Variants in USP18 observed in about 807,000 individuals in gnomAD.
USP18 encodes the protein ubiquitin specific peptidase 18, also known as ubl carboxyl-terminal hydrolase 18.
In USP18, 11 loss-of-function variants were observed where a neutral mutation model predicts 48.7. That is an observed-to-expected ratio of 0.23 (90% CI 0.14 to 0.37). USP18 has a LOEUF of 0.37. Ranked by LOEUF, USP18 falls within the 10% of genes least tolerant of loss-of-function variation. USP18 has a pLI of 1.00. For synonymous variants in USP18, 114 were observed against 163.2 expected, an observed-to-expected ratio of 0.70 and a Z score of 2.30; for missense variants, 285 against 436.4, an observed-to-expected ratio of 0.65 and a Z score of 3.09.
At chr22:18,158,618 T>C (rs1046938207) in intron 2 of USP18, among the ~76,000 whole-genome samples, 1 of 152,168 alleles carries the variant, frequency 6.6e-6, no homozygotes, top group African/African-American at 2.4e-5. Flanking sequence ...TAAGGTTGGG[T>C]TGGAAAAGAG....
chr22:18,152,891 C>T lies in USP18; in HGVS notation c.-107+2669C>T, dbSNP rs1397371271. Among the ~76,000 whole-genome samples, 4 of 152,184 alleles carry T rather than the reference C, an allele frequency of 2.6e-5. No individual in the cohort carries two copies. The East Asian group carries it at 5.8e-4, about 22-fold the overall frequency. On this transcript the variant is annotated intron_variant, in intron 1 of 10. Coordinates refer to ENST00000215794, the MANE Select transcript of USP18 (RefSeq NM_017414.4). Reference sequence around the variant, plus strand: ...TACTGAAGTATCTGGGAGGTCTTGGCGGAGAAGAGGACAACATCTTGGAAA... The same window carrying T: ...TACTGAAGTATCTGGGAGGTCTTGGTGGAGAAGAGGACAACATCTTGGAAA...
At position 18,173,160 on chromosome 22, in the gene USP18, A is replaced by C. The variant is rs756181244; in HGVS notation, c.902A>C (p.Gln301Pro). Residue 301 changes from glutamine to proline, a missense_variant, in exon 9 of 11, where the codon CAG (glutamine) becomes CCG (proline). Physicochemically the swap from Gln to Pro is moderately conservative, Grantham distance 76. Transcript: ENST00000215794. ...CCTGTCTCTTTCCAGTCTGGAGGGC[A>C]GTATGAGCTTTTTGCTGTGATTGCG... Reference protein sequence around the residue: ...SCDAEEQSGGQYELFAVIAHV... With the variant: ...SCDAEEQSGGPYELFAVIAHV... 2.5e-6 allele frequency: 4 copies of C among 1,591,372 alleles called. No individual in the cohort carries two copies. In the South Asian group the frequency reaches 4.7e-5, roughly 19 times the overall value.
intron 1 of USP18, among the ~76,000 whole-genome samples, chr22:18,156,390 C>G (rs1316181229): frequency 6.6e-6 from 1 of 152,202 alleles, no homozygotes; most frequent in Non-Finnish European, 1.5e-5. Flanking sequence ...GCTGTGGAAG[C>G]TTTGTTGTTT....
At chr22:18,174,794 G>A (rs1335143543) in intron 10 of USP18, among the ~76,000 whole-genome samples, 2 of 152,106 alleles carry the variant, frequency 1.3e-5, no homozygotes, top group Non-Finnish European at 2.9e-5. Context: ...ATGAGGTCTC[G>A]CTATGTTGCC....
intron 6 of USP18, 108 bp downstream of exon 6, chr22:18,168,144 G>C: frequency 1.3e-6 from 2 of 1,514,728 alleles, no homozygotes; most frequent in Non-Finnish European, 1.8e-6. Flanking sequence ...AGTTCTGGAG[G>C]CTGGGAAGTC....
chr22:18,169,706 A>G (rs1017095113), intron 6 of USP18, 138 bp from the exon 7 acceptor site: 1 of 1,053,888 alleles, frequency 9.5e-7, no homozygotes, highest in Non-Finnish European at 1.4e-6. Context: ...CTGCAGAACC[A>G]TGGGCCAATC....
chr22:18,163,679 G>A (rs1010216342), intron 4 of USP18, among the ~76,000 whole-genome samples: 2 of 151,852 alleles, frequency 1.3e-5, no homozygotes, highest in Admixed American at 6.6e-5. Flanking sequence ...AAGAAAAAAA[G>A]AAAAATACCT....
chr22:18,172,991 G>A (rs117848191), intron 8 of USP18, among the ~76,000 whole-genome samples, 159 bp from the exon 9 acceptor site: 12,951 of 137,962 alleles, frequency 0.094, 378 homozygotes, highest in African/African-American at 0.11. Context: ...ATCCACACTC[G>A]GGAAAGCCCC....
intron 1 of USP18, among the ~76,000 whole-genome samples, chr22:18,157,101 A>T (rs1929178437): frequency 6.6e-6 from 1 of 152,262 alleles, no homozygotes; most frequent in Non-Finnish European, 1.5e-5. Context: ...GCTAAGGTTT[A>T]TCTGACTGCT....
chr22:18,161,144 TA>T (rs1216091388), intron 3 of USP18, among the ~76,000 whole-genome samples: 1 of 151,754 alleles, frequency 6.6e-6, no homozygotes, highest in East Asian at 1.9e-4. Context: ...CTGACTTGGT[TA>T]AAAGACAGAG....
chr22:18,164,875 C>G (rs1055842878), intron 4 of USP18, among the ~76,000 whole-genome samples: 1 of 152,072 alleles, frequency 6.6e-6, no homozygotes, highest in Admixed American at 6.5e-5. Flanking sequence ...AAACCCTCCC[C>G]TCTCCAGGAG....
rs34386839 is a variant in USP18, at chr22:18,159,672, A to ATTT, written c.158-481_158-479dup. 9.6e-4 allele frequency among the ~76,000 whole-genome samples: 74 copies of ATTT among 76,918 alleles called. 1 individual carries two copies. Among genetic ancestry groups the ATTT allele is most frequent in the African/African-American group, 3.7e-3 (66 of 18,060 alleles). 50.5% of individuals were successfully genotyped at this position (76,918 alleles called of 152,430 possible). A position where few individuals can be genotyped will look rare whatever the true frequency, so the allele number is the denominator to read the frequency against. On this transcript the variant is annotated intron_variant, in intron 2 of 10. Transcript: ENST00000215794. ...GTCATGACACCTGGCTGATTTTTGG[A>ATTT]TTTTTTTTTTTTTTTTTTTTTGAGA...
At position 18,157,609 on chromosome 22, in the gene USP18, C is replaced by G; in HGVS notation, c.-55C>G. The G allele has an allele frequency of 6.2e-7, 1 of 1,606,230 alleles. No individual in the cohort carries two copies. Among genetic ancestry groups the G allele is most frequent in the South Asian group, 1.1e-5 (1 of 90,414 alleles). The stretch of plus-strand genomic sequence containing the variant: ...AGCGCTTCCTGGAAGTGAAGTCGTG[C>G]TGTCCTGAACGCGGGCCAGGCAGCT... On this transcript the variant is annotated 5_prime_UTR_variant, in exon 2 of 11. Coordinates refer to ENST00000215794, the MANE Select transcript of USP18 (RefSeq NM_017414.4).
chr22:18,160,974 T>G (rs554602993), intron 3 of USP18, among the ~76,000 whole-genome samples: 2 of 152,190 alleles, frequency 1.3e-5, no homozygotes, highest in African/African-American at 4.8e-5. Flanking sequence ...TTCACCATGT[T>G]GGCCAGGCTG....
At position 18,161,980 on chromosome 22, in the gene USP18, G is replaced by A. The variant is rs766819638; in HGVS notation, c.400+45G>A. ...GGCTCCTGGCTGCTGATCCAAAGGGGATGGGAAGCTTAGAGAGTGAAGAGA... is the reference window on the plus strand; with the variant it reads ...GGCTCCTGGCTGCTGATCCAAAGGGAATGGGAAGCTTAGAGAGTGAAGAGA... On this transcript the variant is annotated intron_variant, in intron 4 of 10. Transcript: ENST00000215794. 3 of 1,572,276 alleles carry A rather than the reference G, an allele frequency of 1.9e-6. No individual in the cohort carries two copies. In the East Asian group the frequency reaches 6.8e-5, roughly 36 times the overall value.
At chr22:18,155,989 T>A (rs914905695) in intron 1 of USP18, among the ~76,000 whole-genome samples, 3 of 152,220 alleles carry the variant, frequency 2.0e-5, no homozygotes, top group African/African-American at 4.8e-5. Flanking sequence ...TATGTCTAGC[T>A]AAGGGATTGT....
At chr22:18,158,285 CTCAAACAA>C (rs1355204236) in intron 2 of USP18, among the ~76,000 whole-genome samples, 3 of 152,144 alleles carry the variant, frequency 2.0e-5, no homozygotes, top group African/African-American at 7.2e-5. Context: ...GAGACTCTGT[CTCAAACAA>C]ACAAACAAAC....
At chr22:18,156,176 C>G (rs537999151) in intron 1 of USP18, among the ~76,000 whole-genome samples, 1 of 152,102 alleles carries the variant, frequency 6.6e-6, no homozygotes, top group Admixed American at 6.5e-5. Flanking sequence ...CTAGTGGGGA[C>G]GTGGAGACGT....
At chr22:18,150,507 C>T (rs1386349294) in intron 1 of USP18, among the ~76,000 whole-genome samples, 1 of 152,192 alleles carries the variant, frequency 6.6e-6, no homozygotes, top group Non-Finnish European at 1.5e-5. Flanking sequence ...ACAAATGTGT[C>T]TCGCAGTCTT....
Sources: gnomAD v4.1 joint callset for allele counts (sites outside exome capture counted in the v4.1 genomes callset) on GRCh38, gnomAD v4.1.1 for gene constraint, MANE v1.5 for transcripts, NCBI Gene and HGNC (gene_info 2026-07-23, HGNC 2026-07-21) for gene names.